MAP3K4: variants seen among roughly 807,000 people sequenced by gnomAD.
MAP3K4 encodes MAP three kinase 1.
In MAP3K4, 67 loss-of-function variants were observed where a neutral mutation model predicts 185.6. That is an observed-to-expected ratio of 0.36 (90% CI 0.30 to 0.44). The LOEUF (loss-of-function observed/expected upper bound fraction) is 0.44. MAP3K4 is among the 20% of genes least tolerant of loss of function. The probability of loss-of-function intolerance (pLI) is 1.00; values close to 1 mark genes in which losing one functional copy is unlikely to be tolerated. For missense variants in MAP3K4, 1,551 were observed against 1,995.1 expected, an observed-to-expected ratio of 0.78 and a Z score of 4.24; for synonymous variants, 702 against 710.4, an observed-to-expected ratio of 0.99 and a Z score of 0.19.
rs560739540 is a variant in MAP3K4 at position 161,076,340 on chromosome 6, C to T, written c.2097+2728C>T. 9.2e-5 allele frequency among the ~76,000 whole-genome samples: 14 copies of T among 152,278 alleles called. No homozygotes were observed. Among genetic ancestry groups the T allele is most frequent in the African/African-American group, 3.1e-4 (13 of 41,560 alleles). On this transcript the variant is annotated intron_variant, in intron 5 of 26. Coordinates refer to ENST00000392142, the MANE Select transcript of MAP3K4 (RefSeq NM_005922.4). This position sits in a 1 kb window ranked among gnomAD's most constrained non-coding sequence, Gnocchi z 4.2. ...CAGCCTTCTCTGGTTGTCAGGAAGA[C>T]TGCCGAATGGGAGCTCTCTTAGCAG...
At chr6:161,003,302 G>A (rs986604644) in intron 1 of MAP3K4, among the ~76,000 whole-genome samples, 6 of 152,224 alleles carry the variant, frequency 3.9e-5, no homozygotes, top group East Asian at 3.9e-4. Flanking sequence ...GGTATAGATC[G>A]CTTAAGAGGA....
intron 3 of MAP3K4, among the ~76,000 whole-genome samples, chr6:161,057,567 C>T (rs563861397): frequency 6.6e-6 from 1 of 152,276 alleles, no homozygotes; most frequent in Non-Finnish European, 1.5e-5. Flanking sequence ...CAGAATCTCC[C>T]AGTGGGGGAC....
chr6:161,035,190 C>G (rs1352670147), intron 2 of MAP3K4, among the ~76,000 whole-genome samples: 3 of 152,158 alleles, frequency 2.0e-5, no homozygotes, highest in South Asian at 2.1e-4. Context: ...TTAATCTCAG[C>G]AAACCACTTG....
chr6:161,080,921 A>G lies in MAP3K4; in HGVS notation c.2138A>G (p.Gln713Arg), dbSNP rs1785422846. ...ATGAGAAGCTGGATCCAAATGCTACAGCAATTACCTCAAGCATCGCATAGT... is the reference window on the plus strand; with the variant it reads ...ATGAGAAGCTGGATCCAAATGCTACGGCAATTACCTCAAGCATCGCATAGT... Reference protein sequence around the residue: ...DYMRSWIQMLQQLPQASHSLK... With the variant: ...DYMRSWIQMLRQLPQASHSLK... Residue 713 changes from glutamine to arginine, a missense_variant, in exon 6 of 27, where the codon CAG becomes CGG. Gln to Arg is a conservative substitution (Grantham distance 43, BLOSUM62 1). Transcript: ENST00000392142. The surrounding 1 kb of genome is among the most constrained non-coding windows in gnomAD (Gnocchi z 4.8). 1 of 1,614,148 alleles carries G rather than the reference A, an allele frequency of 6.2e-7. No individual in the cohort carries two copies. The highest frequency in any genetic ancestry group is 8.5e-7 in the Non-Finnish European group (1 of 1,180,008).
At chr6:161,055,479 G>A (rs934810851) in intron 3 of MAP3K4, among the ~76,000 whole-genome samples, 4 of 152,120 alleles carry the variant, frequency 2.6e-5, no homozygotes, top group Admixed American at 6.6e-5. Flanking sequence ...CATCCAGCAC[G>A]CCTTAATATT....
intron 1 of MAP3K4, among the ~76,000 whole-genome samples, chr6:161,012,756 C>T (rs1209843458): frequency 3.9e-5 from 6 of 152,034 alleles, no homozygotes; most frequent in Admixed American, 3.9e-4. Context: ...TTTATTACAG[C>T]AGTAAGAGAG....
At chr6:161,009,226 C>T (rs1183371076) in intron 1 of MAP3K4, among the ~76,000 whole-genome samples, 1 of 152,162 alleles carries the variant, frequency 6.6e-6, no homozygotes, top group Non-Finnish European at 1.5e-5. Flanking sequence ...CCTCGTCATC[C>T]ACCCGCCTCG....
chr6:161,028,847 T>C (rs1473124705), intron 1 of MAP3K4, among the ~76,000 whole-genome samples: 1 of 152,214 alleles, frequency 6.6e-6, no homozygotes, highest in Admixed American at 6.5e-5. Flanking sequence ...GGAGGTGAGC[T>C]GATAAATGTT....
rs562756945 is a variant in MAP3K4, at chr6:161,008,270, G to T, written c.152+16187G>T. On this transcript the variant is annotated intron_variant, in intron 1 of 26. Transcript: ENST00000392142. This position sits in a 1 kb window ranked among gnomAD's most constrained non-coding sequence, Gnocchi z 4.1. ...AACCAGTCTTTTGTCGGACTCTTAG[G>T]ATGTTTCTGTTTCTTTTACTGTTAT... is the stretch of plus-strand genomic sequence containing the variant. 1.5e-3 allele frequency among the ~76,000 whole-genome samples: 227 copies of T among 152,230 alleles called. 9 individuals carry two copies. In the South Asian group the frequency reaches 0.045, roughly 30 times the overall value.
intron 24 of MAP3K4, 32 bp downstream of exon 24, chr6:161,111,990 T>C: frequency 6.2e-7 from 1 of 1,611,286 alleles, no homozygotes; most frequent in Non-Finnish European, 8.5e-7. Context: ...CTTTGCACTC[T>C]GACTTCATGC....
At position 161,007,480 on chromosome 6, in the gene MAP3K4, T is replaced by C. The variant is rs73784705; in HGVS notation, c.152+15397T>C. On this transcript the variant is annotated intron_variant, in intron 1 of 26. Coordinates refer to ENST00000392142, the MANE Select transcript of MAP3K4 (RefSeq NM_005922.4). The surrounding 1 kb of genome is among the most constrained non-coding windows in gnomAD (Gnocchi z 4.5). ...AACGTGGATTTCCTATCCATTGCTC[T>C]CTTAAGGAGCACAGGGCTCAGATAA... 0.09 allele frequency among the ~76,000 whole-genome samples: 13,769 copies of C among 152,226 alleles called. 791 individuals carry two copies. The highest frequency in any genetic ancestry group is 0.17 in the African/African-American group (6,974 of 41,522).
intron 1 of MAP3K4, among the ~76,000 whole-genome samples, chr6:161,031,730 T>G (rs1042906269): frequency 3.3e-5 from 5 of 152,214 alleles, no homozygotes; most frequent in Non-Finnish European, 2.9e-5. Context: ...ACTTTAATTT[T>G]AAAAACACCT....
At chr6:161,060,776 C>T (rs748024591) in intron 3 of MAP3K4, among the ~76,000 whole-genome samples, 5 of 151,906 alleles carry the variant, frequency 3.3e-5, no homozygotes, top group African/African-American at 9.7e-5. Context: ...TGCGCCACCA[C>T]GCCCAGGTAA....
At position 161,116,806 on chromosome 6, in the gene MAP3K4, C is replaced by T. The variant is rs761897676; in HGVS notation, c.4807-44C>T. 11 of 1,604,670 alleles carry T rather than the reference C, an allele frequency of 6.9e-6. No homozygotes were observed. The East Asian group carries it at 1.1e-4, about 16-fold the overall frequency. On this transcript the variant is annotated intron_variant, in intron 26 of 26. Coordinates refer to ENST00000392142, the MANE Select transcript of MAP3K4 (RefSeq NM_005922.4). This position sits in a 1 kb window ranked among gnomAD's most constrained non-coding sequence, Gnocchi z 6.2. ...CATACTGCGCGTATGCACAAGCACA[C>T]ACCTGGCTCTGCAAGAGCTCAGCTC...
chr6:161,020,382 G>C (rs60747861), intron 1 of MAP3K4, among the ~76,000 whole-genome samples: 1 of 152,048 alleles, frequency 6.6e-6, no homozygotes, highest in East Asian at 1.9e-4. Flanking sequence ...GTCCTGGGCC[G>C]GGCACAGTGG....
Position 161,080,718 on chromosome 6 carries a change from C to A in MAP3K4, c.2098-163C>A. The A allele has an allele frequency of 1.7e-6, 1 of 594,838 alleles. No individual in the cohort carries two copies. Among genetic ancestry groups the A allele is most frequent in the Non-Finnish European group, 3.0e-6 (1 of 337,456 alleles). 36.8% of individuals were successfully genotyped at this position (594,838 alleles called of 1,614,324 possible). A position where few individuals can be genotyped will look rare whatever the true frequency, so the allele number is the denominator to read the frequency against. ...TTTTTTAAAAAATCCTCATTTAGACCTCAGCTAACAGTGGTGAGAACCTTG... is the reference window on the plus strand; with the variant it reads ...TTTTTTAAAAAATCCTCATTTAGACATCAGCTAACAGTGGTGAGAACCTTG... On this transcript the variant is annotated intron_variant, in intron 5 of 26. Transcript: ENST00000392142. The surrounding 1 kb of genome is among the most constrained non-coding windows in gnomAD (Gnocchi z 4.8).
In MAP3K4 at chr6:161,082,223, A is replaced by T. The variant is rs910225105; in HGVS notation, c.2255+1185A>T. 2.0e-5 allele frequency among the ~76,000 whole-genome samples: 3 copies of T among 151,818 alleles called. No individual in the cohort carries two copies. The highest frequency in any genetic ancestry group is 4.8e-5 in the African/African-American group (2 of 41,312). ...CTTGGTGCCCATAGTCAGCCTTTTTAAAAAAGGCATTCATTGTCATTTGCA... is the reference window on the plus strand; with the variant it reads ...CTTGGTGCCCATAGTCAGCCTTTTTTAAAAAGGCATTCATTGTCATTTGCA... On this transcript the variant is annotated intron_variant, in intron 6 of 26. Coordinates refer to ENST00000392142, the MANE Select transcript of MAP3K4 (RefSeq NM_005922.4). The surrounding 1 kb of genome is among the most constrained non-coding windows in gnomAD (Gnocchi z 4.2).
rs921970236 is a variant in MAP3K4 at position 161,022,879 on chromosome 6, C to T, written c.153-11380C>T. Reference sequence around the variant, plus strand: ...GTATGATATCGAGCATAGTACTTACCAAGCATGGTAAGTACTCCGTGCCTA... The same window carrying T: ...GTATGATATCGAGCATAGTACTTACTAAGCATGGTAAGTACTCCGTGCCTA... On this transcript the variant is annotated intron_variant, in intron 1 of 26. Coordinates refer to ENST00000392142, the MANE Select transcript of MAP3K4 (RefSeq NM_005922.4). The surrounding 1 kb of genome is among the most constrained non-coding windows in gnomAD (Gnocchi z 4.2). 1.3e-5 allele frequency among the ~76,000 whole-genome samples: 2 copies of T among 152,092 alleles called. No homozygotes were observed. The highest frequency in any genetic ancestry group is 6.5e-5 in the Admixed American group (1 of 15,286).
Position 161,086,506 on chromosome 6 carries a change from A to G in MAP3K4, c.2472+28A>G. On this transcript the variant is annotated intron_variant, in intron 8 of 26. Coordinates refer to ENST00000392142, the MANE Select transcript of MAP3K4 (RefSeq NM_005922.4). This position sits in a 1 kb window ranked among gnomAD's most constrained non-coding sequence, Gnocchi z 4.8. ...GAGCTTGCAATCCTGATTAATTAGT[A>G]CCTTTTTTCTTGTTTTTCTTTTATC... 6.2e-7 allele frequency: 1 copy of G among 1,602,314 alleles called. No individual in the cohort carries two copies. Among genetic ancestry groups the G allele is most frequent in the Non-Finnish European group, 8.5e-7 (1 of 1,172,892 alleles).
Sources: allele counts gnomAD v4.1 joint callset (sites outside exome capture counted in the v4.1 genomes callset), GRCh38; gene constraint gnomAD v4.1.1; non-coding constraint Gnocchi (gnomAD v3.1); transcripts MANE v1.5; gene names NCBI Gene and HGNC (gene_info 2026-07-23, HGNC 2026-07-21).